The following LRRC4C variants were observed in gnomAD, a reference collection of about 807,000 sequenced individuals.
LRRC4C encodes the protein leucine-rich repeat-containing protein 4C.
In LRRC4C, 5 loss-of-function variants were observed where a neutral mutation model predicts 33.6. The ratio of observed to expected loss-of-function variants is 0.15; its 90% CI spans 0.08 to 0.31. LRRC4C has a LOEUF of 0.31. Among genes scored for constraint, LRRC4C ranks in the 10% least tolerant of loss-of-function variants. LRRC4C has a pLI of 1.00. For synonymous variants in LRRC4C, 329 were observed against 302.0 expected, an observed-to-expected ratio of 1.09 and a Z score of -0.93; for missense variants, 560 against 796.7, an observed-to-expected ratio of 0.70 and a Z score of 3.58.
chr11:41,015,037 T>C (rs1337550357), intron 1 of LRRC4C, among the ~76,000 whole-genome samples: 1 of 152,170 alleles, frequency 6.6e-6, no homozygotes, highest in Non-Finnish European at 1.5e-5. Flanking sequence ...GGACTAAATG[T>C]GCACTGTCAT....
intron 3 of LRRC4C, among the ~76,000 whole-genome samples, chr11:40,349,822 A>C (rs1287274746): frequency 6.6e-6 from 1 of 152,144 alleles, no homozygotes; most frequent in Non-Finnish European, 1.5e-5. Context: ...TCTGATGATC[A>C]ATGATGTTAA....
intron 4 of LRRC4C, among the ~76,000 whole-genome samples, chr11:40,249,287 C>T (rs1475598028): frequency 6.6e-5 from 10 of 151,892 alleles, no homozygotes; most frequent in South Asian, 6.2e-4. Context: ...TGCAGTGAGC[C>T]GAGATCGCAC....
intron 1 of LRRC4C, among the ~76,000 whole-genome samples, chr11:41,398,159 AC>A (rs1411027499): frequency 6.6e-6 from 1 of 152,006 alleles, no homozygotes; most frequent in Non-Finnish European, 1.5e-5. Context: ...AATAAAAACA[AC>A]AAATGCCCCA....
At chr11:40,490,396 T>C (rs771123553) in intron 3 of LRRC4C, among the ~76,000 whole-genome samples, 11 of 152,310 alleles carry the variant, frequency 7.2e-5, no homozygotes, top group African/African-American at 4.8e-5. Context: ...AATGAAATTC[T>C]GAATGTCTCT....
At chr11:40,864,104 T>G (rs989534079) in intron 2 of LRRC4C, among the ~76,000 whole-genome samples, 1 of 152,198 alleles carries the variant, frequency 6.6e-6, no homozygotes, top group Non-Finnish European at 1.5e-5. Flanking sequence ...AGTCTCACTC[T>G]GTCACCCAGG....
chr11:41,334,538 T>C lies in LRRC4C; in HGVS notation c.-496+124893A>G, dbSNP rs1217218029. Among the ~76,000 whole-genome samples the C allele has an allele frequency of 2.6e-5, 4 of 152,188 alleles. No homozygotes were observed. The East Asian group carries it at 7.7e-4, about 29-fold the overall frequency. ...GGGGGCAATTATAACACTAAGATTTTCCTTCTTCAAGAGGCCAGGCATGGT... is the reference window on the plus strand; with the variant it reads ...GGGGGCAATTATAACACTAAGATTTCCCTTCTTCAAGAGGCCAGGCATGGT... On this transcript the variant is annotated intron_variant, in intron 1 of 6. Transcript: ENST00000528697.
chr11:40,468,990 T>C (rs1418980467), intron 3 of LRRC4C, among the ~76,000 whole-genome samples: 1 of 152,110 alleles, frequency 6.6e-6, no homozygotes, highest in East Asian at 1.9e-4. Flanking sequence ...ATCTGCAAAA[T>C]AAAAATAATA....
At chr11:40,439,976 A>G (rs116646638) in intron 3 of LRRC4C, among the ~76,000 whole-genome samples, 2,396 of 152,188 alleles carry the variant, frequency 0.016, 72 homozygotes, top group African/African-American at 0.054. Flanking sequence ...GAATGCAACC[A>G]CCCCAATTTG....
Position 40,258,704 on chromosome 11 carries a change from T to A in LRRC4C, c.-175-17106A>T, listed in dbSNP as rs116940345. Among the ~76,000 whole-genome samples, 38 of 152,314 alleles carry A rather than the reference T, an allele frequency of 2.5e-4. No individual in the cohort carries two copies. In the East Asian group the frequency reaches 6.6e-3, roughly 26 times the overall value. On this transcript the variant is annotated intron_variant, in intron 4 of 6. Coordinates refer to ENST00000528697, the MANE Select transcript of LRRC4C (RefSeq NM_001258419.2). ...TAATTACATTTGACTCTAACCTAAATCTGTTCTCAATAGAAGGAGAGAAAA... is the reference window on the plus strand; with the variant it reads ...TAATTACATTTGACTCTAACCTAAAACTGTTCTCAATAGAAGGAGAGAAAA...
At chr11:40,900,954 T>G (rs970178530) in intron 2 of LRRC4C, among the ~76,000 whole-genome samples, 15 of 152,096 alleles carry the variant, frequency 9.9e-5, no homozygotes, top group African/African-American at 3.4e-4. Flanking sequence ...TTTAAAAATT[T>G]TGTGTGTTTG....
chr11:41,340,664 G>T (rs780283341), intron 1 of LRRC4C, among the ~76,000 whole-genome samples: 27 of 152,128 alleles, frequency 1.8e-4, no homozygotes, highest in Non-Finnish European at 2.8e-4. Flanking sequence ...TGGTAATGGA[G>T]CCTAAGAAAA....
intron 1 of LRRC4C, among the ~76,000 whole-genome samples, chr11:41,015,189 T>G (rs1181932232): frequency 2.0e-5 from 3 of 152,214 alleles, no homozygotes; most frequent in Admixed American, 6.5e-5. Flanking sequence ...CCACCAACTC[T>G]CTTAGATTTA....
intron 6 of LRRC4C, among the ~76,000 whole-genome samples, chr11:40,137,023 A>C (rs902552125): frequency 3.3e-5 from 5 of 152,210 alleles, no homozygotes; most frequent in Non-Finnish European, 7.3e-5. Context: ...TCTAATAATA[A>C]GGCAAGTATA....
intron 3 of LRRC4C, among the ~76,000 whole-genome samples, chr11:40,377,040 A>G (rs1329648223): frequency 6.6e-6 from 1 of 152,140 alleles, no homozygotes; most frequent in African/African-American, 2.4e-5. Flanking sequence ...TAACATTTGA[A>G]AATCTTCACC....
chr11:41,291,849 G>T (rs1004758892), intron 1 of LRRC4C, among the ~76,000 whole-genome samples: 3 of 152,124 alleles, frequency 2.0e-5, no homozygotes, highest in South Asian at 2.1e-4. Context: ...GCAAGGCAAA[G>T]GTTTGCATAC....
intron 1 of LRRC4C, among the ~76,000 whole-genome samples, chr11:40,969,180 A>T (rs1185040157): frequency 6.6e-6 from 1 of 152,144 alleles, no homozygotes; most frequent in Non-Finnish European, 1.5e-5. Flanking sequence ...TGCAGATATG[A>T]TGAAAACAGC....
chr11:40,921,614 A>G (rs764049313), intron 2 of LRRC4C, among the ~76,000 whole-genome samples: 1 of 152,166 alleles, frequency 6.6e-6, no homozygotes, highest in Non-Finnish European at 1.5e-5. Flanking sequence ...TTTTTCAACA[A>G]ATTTTAAAAG....
chr11:40,990,546 A>C (rs1853461704), intron 1 of LRRC4C, among the ~76,000 whole-genome samples: 1 of 151,924 alleles, frequency 6.6e-6, no homozygotes, highest in Non-Finnish European at 1.5e-5. Context: ...TAATTAATGG[A>C]ACACTAGGGT....
At chr11:40,659,711 T>G (rs1047444086) in intron 2 of LRRC4C, among the ~76,000 whole-genome samples, 46 of 152,194 alleles carry the variant, frequency 3.0e-4, no homozygotes, top group African/African-American at 1.0e-3. Flanking sequence ...CATTTAGAGC[T>G]GGACATTCTC....
Sources: allele counts gnomAD v4.1 joint callset (sites outside exome capture counted in the v4.1 genomes callset), GRCh38; gene constraint gnomAD v4.1.1; transcripts MANE v1.5; gene names NCBI Gene and HGNC (gene_info 2026-07-23, HGNC 2026-07-21).